The following GBE1 variants were observed in gnomAD, a reference collection of about 807,000 sequenced individuals.
The protein encoded by GBE1 is 1,4-alpha-glucan-branching enzyme.
A neutral mutation model predicts 88.8 loss-of-function variants in GBE1; 70 were observed. That is an observed-to-expected ratio of 0.79 (90% CI 0.65 to 0.96). GBE1 has a LOEUF of 0.96. Among genes scored for constraint, GBE1 ranks in the 40% least tolerant of loss-of-function variants. The pLI is 0.00. For missense variants in GBE1, 872 were observed against 871.0 expected (o/e 1.00, Z -0.01); for synonymous variants, 284 against 300.1 (o/e 0.95, Z 0.56).
At chr3:81,534,892 T>C in intron 14 of GBE1, 1 of 251,446 alleles carries the variant, frequency 4.0e-6, no homozygotes, top group Non-Finnish European at 7.5e-6. Flanking sequence ...TGTGGGGACC[T>C]GGAGAGCAGG....
At chr3:81,501,288 A>T (rs1034214519) in intron 14 of GBE1, among the ~76,000 whole-genome samples, 1 of 152,156 alleles carries the variant, frequency 6.6e-6, no homozygotes, top group Non-Finnish European at 1.5e-5. Flanking sequence ...TTATTTTAGT[A>T]GGTTTGTTTG....
chr3:81,661,148 AT>A (rs1198639913), intron 3 of GBE1, among the ~76,000 whole-genome samples: 7 of 152,292 alleles, frequency 4.6e-5, no homozygotes, highest in East Asian at 1.9e-4. Flanking sequence ...TCTAAAAAAA[AT>A]GTGAGAAAGT....
intron 2 of GBE1, among the ~76,000 whole-genome samples, chr3:81,700,306 TA>T (rs1205713940): frequency 6.6e-6 from 1 of 152,080 alleles, no homozygotes; most frequent in African/African-American, 2.4e-5. Flanking sequence ...TTCCAACCAG[TA>T]AAAAATGATC....
chr3:81,757,570 G>A (rs914538219), intron 1 of GBE1, among the ~76,000 whole-genome samples: 2 of 152,188 alleles, frequency 1.3e-5, no homozygotes, highest in African/African-American at 4.8e-5. Flanking sequence ...ATACTTAAAA[G>A]TTAGGGGCTA....
At chr3:81,490,522 T>C (rs934277790) in intron 15 of GBE1, 59 bp from the exon 16 acceptor site, 7 of 1,351,288 alleles carry the variant, frequency 5.2e-6, no homozygotes, top group South Asian at 1.2e-5. Flanking sequence ...CCTGTCATTA[T>C]GTCAAAGAAA....
At chr3:81,636,534 C>CT (rs398062518) in intron 7 of GBE1, among the ~76,000 whole-genome samples, 4,110 of 140,156 alleles carry the variant, frequency 0.029, 182 homozygotes, top group African/African-American at 0.098. Context: ...TGTTTTTTGG[C>CT]TTTTTTTTTT....
intron 3 of GBE1, among the ~76,000 whole-genome samples, chr3:81,667,733 T>C (rs747904052): frequency 1.3e-5 from 2 of 152,224 alleles, no homozygotes; most frequent in African/African-American, 2.4e-5. Context: ...GTTCTGTTTA[T>C]GTGATGGATT....
At chr3:81,691,463 T>A (rs550988068) in intron 2 of GBE1, among the ~76,000 whole-genome samples, 4 of 152,094 alleles carry the variant, frequency 2.6e-5, no homozygotes, top group Non-Finnish European at 4.4e-5. Context: ...ATAAAAAAAA[T>A]AATAAAGTTT....
At chr3:81,513,498 C>T (rs1702752241) in intron 14 of GBE1, among the ~76,000 whole-genome samples, 1 of 151,130 alleles carries the variant, frequency 6.6e-6, no homozygotes, top group African/African-American at 2.4e-5. Context: ...AAAATCAAGG[C>T]CCGGAAAGGC....
intron 12 of GBE1, among the ~76,000 whole-genome samples, chr3:81,577,042 C>T (rs538935517): frequency 3.9e-5 from 6 of 152,046 alleles, no homozygotes; most frequent in African/African-American, 1.4e-4. Context: ...TGGGCTCAAA[C>T]AGTCCCTCTG....
At position 81,649,889 on chromosome 3, in the gene GBE1, C is replaced by G. The variant is rs901387655; in HGVS notation, c.462G>C (p.Leu154Phe). The G allele has an allele frequency of 1.2e-5, 19 of 1,609,598 alleles. No individual in the cohort carries two copies. Among genetic ancestry groups the G allele is most frequent in the Non-Finnish European group, 1.6e-5 (19 of 1,176,678 alleles). Residue 154 changes from leucine (L) to phenylalanine (F), a missense_variant, in exon 4 of 16, where the codon TTG (leucine) becomes TTC (phenylalanine). Leu to Phe is a conservative substitution (Grantham distance 22, BLOSUM62 0). Coordinates refer to ENST00000429644, the MANE Select transcript of GBE1 (RefSeq NM_000158.4). ...ACTTTGCCCACGGTGAAATACGATA[C>G]AAGATCTCTCCGCTTTTACTAGTAA... ...VVITSKSGEI[L>F]YRISPWAKYV...
intron 1 of GBE1, among the ~76,000 whole-genome samples, chr3:81,754,616 AT>A (rs2107241071): frequency 6.6e-6 from 1 of 152,278 alleles, no homozygotes; most frequent in Non-Finnish European, 1.5e-5. Flanking sequence ...TGGTACTGGC[AT>A]AAAAACAGAC....
At chr3:81,506,640 T>C (rs1363692940) in intron 14 of GBE1, among the ~76,000 whole-genome samples, 1 of 152,124 alleles carries the variant, frequency 6.6e-6, no homozygotes, top group East Asian at 1.9e-4. Flanking sequence ...GCAGCACTAT[T>C]CACAATGGAA....
At chr3:81,759,235 T>C (rs1706644263) in intron 1 of GBE1, among the ~76,000 whole-genome samples, 1 of 152,210 alleles carries the variant, frequency 6.6e-6, no homozygotes, top group South Asian at 2.1e-4. Context: ...CAAAACATCC[T>C]AAGGGAACAT....
chr3:81,736,124 T>G (rs1706254689), intron 1 of GBE1, among the ~76,000 whole-genome samples: 1 of 152,172 alleles, frequency 6.6e-6, no homozygotes, highest in Admixed American at 6.5e-5. Context: ...ATTTCCCAGC[T>G]GAGAGATACC....
rs931221622 is a variant in GBE1 at position 81,643,114 on chromosome 3, G to C, written c.783-124C>G. ...TAAATATCCAAACAGCATGTGACATGATACCTGGATACAACTCAAATTTGC... is the reference window on the plus strand; with the variant it reads ...TAAATATCCAAACAGCATGTGACATCATACCTGGATACAACTCAAATTTGC... On this transcript the variant is annotated intron_variant, in intron 6 of 15. Coordinates refer to ENST00000429644, the MANE Select transcript of GBE1 (RefSeq NM_000158.4). 6.1e-6 allele frequency: 4 copies of C among 656,442 alleles called. No homozygotes were observed. The African/African-American group carries it at 7.5e-5, about 12-fold the overall frequency. 40.7% of individuals were successfully genotyped at this position (656,442 alleles called of 1,614,324 possible). A position where few individuals can be genotyped will look rare whatever the true frequency, so the allele number is the denominator to read the frequency against.
At chr3:81,491,992 G>C (rs1321094478) in intron 15 of GBE1, among the ~76,000 whole-genome samples, 1 of 152,106 alleles carries the variant, frequency 6.6e-6, no homozygotes, top group African/African-American at 2.4e-5. Context: ...CTTATATTCT[G>C]GATTTAATGG....
intron 14 of GBE1, among the ~76,000 whole-genome samples, chr3:81,499,932 C>T (rs1389533333): frequency 6.6e-6 from 1 of 152,040 alleles, no homozygotes; most frequent in Non-Finnish European, 1.5e-5. Flanking sequence ...GCATTGGTAC[C>T]TTAGAAATCT....
At chr3:81,623,857 A>G (rs34221009) in intron 7 of GBE1, among the ~76,000 whole-genome samples, 35,569 of 151,966 alleles carry the variant, frequency 0.23, 4,365 homozygotes, top group East Asian at 0.41. Context: ...TTAAATAAAG[A>G]TGGGGGTCTC....
Sources: allele counts gnomAD v4.1 joint callset (sites outside exome capture counted in the v4.1 genomes callset), GRCh38; gene constraint gnomAD v4.1.1; transcripts MANE v1.5; gene names NCBI Gene and HGNC (gene_info 2026-07-23, HGNC 2026-07-21).